The following CPSF4 variants were observed in gnomAD, a reference collection of about 807,000 sequenced individuals.
The protein encoded by CPSF4 is cleavage and polyadenylation specific factor 4, also known as cleavage and polyadenylation specificity factor subunit 4.
Under a neutral mutation model 37.7 loss-of-function variants are expected in CPSF4, and 11 were observed. The observed-to-expected ratio is 0.29, with a 90% CI of 0.18 to 0.48. CPSF4 has a LOEUF of 0.48. CPSF4 is among the 20% of genes least tolerant of loss of function. The pLI, the probability that CPSF4 is intolerant of heterozygous loss-of-function variation, is 0.99. For synonymous variants in CPSF4, 132 were observed against 135.9 expected, an observed-to-expected ratio of 0.97 and a Z score of 0.20; for missense variants, 144 against 359.5, an observed-to-expected ratio of 0.40 and a Z score of 4.85.
intron 4 of CPSF4, 80 bp downstream of exon 4, chr7:99,450,451 G>A: frequency 2.0e-6 from 2 of 1,007,990 alleles, no homozygotes; most frequent in Non-Finnish European, 3.1e-6. Flanking sequence ...GCTGCCAGCT[G>A]GTCTACCTGT....
chr7:99,444,916 G>A (rs1199018040), intron 2 of CPSF4, 77 bp downstream of exon 2: 17 of 1,271,120 alleles, frequency 1.3e-5, no homozygotes, highest in Middle Eastern at 2.4e-4. Context: ...CTTGGAGGCC[G>A]CCAGGTCTCT....
chr7:99,444,735 G>A, intron 1 of CPSF4, 54 bp from the exon 2 acceptor site: 1 of 1,544,880 alleles, frequency 6.5e-7, no homozygotes, highest in Non-Finnish European at 8.9e-7. Flanking sequence ...TTCAGACATT[G>A]TCAATAGCAA....
rs557905583 is a variant in CPSF4 at position 99,448,459 on chromosome 7, CTTT to C, written c.307+205_307+207del. On this transcript the variant is annotated intron_variant, in intron 3 of 7. Transcript: ENST00000292476. This position sits in a 1 kb window ranked among gnomAD's most constrained non-coding sequence, Gnocchi z 4.4. ...CAGTGTGGCTATTTTCTGCTCATCTCTTTTTTTTTTTTTTTTTTTTTAAAGACA... is the reference window on the plus strand; with the variant it reads ...CAGTGTGGCTATTTTCTGCTCATCTCTTTTTTTTTTTTTTTTTTAAAGACA... 0.01 allele frequency: 3,200 copies of C among 318,064 alleles called. No homozygotes were observed. The highest frequency in any genetic ancestry group is 0.014 in the South Asian group (365 of 25,666). The allele number at this position is 318,064 out of a possible 1,614,324, so 19.7% of individuals were successfully genotyped here.
At chr7:99,455,877 G>A (rs1231199940) in intron 7 of CPSF4, among the ~76,000 whole-genome samples, 1 of 152,200 alleles carries the variant, frequency 6.6e-6, no homozygotes, top group African/African-American at 2.4e-5. Context: ...TCACAGCCAC[G>A]AGGGAAAACG....
intron 1 of CPSF4, among the ~76,000 whole-genome samples, chr7:99,440,198 C>A (rs1190281373): frequency 6.6e-6 from 1 of 152,084 alleles, no homozygotes; most frequent in Non-Finnish European, 1.5e-5. Context: ...CAGTGCATAG[C>A]AGAGGCGGGC....
In CPSF4 at chr7:99,452,253, C is replaced by T. The variant is rs45599236; in HGVS notation, c.498-115C>T. The T allele has an allele frequency of 0.018, 15,164 of 862,260 alleles. 1,039 individuals are homozygous for T. In the African/African-American group the frequency reaches 0.18, roughly 10 times the overall value. The allele number at this position is 862,260 out of a possible 1,614,324, so 53.4% of individuals were successfully genotyped here. On this transcript the variant is annotated intron_variant, in intron 5 of 7. Coordinates refer to ENST00000292476, the MANE Select transcript of CPSF4 (RefSeq NM_006693.4). The stretch of plus-strand genomic sequence containing the variant: ...TTGTGTCAGTCACTTTGTGCTGGGG[C>T]AGCTGAGTGTGATTTTCCTAGGGCT...
chr7:99,440,674 A>ATATATATATATATTT, intron 1 of CPSF4, among the ~76,000 whole-genome samples: 3 of 88,130 alleles, frequency 3.4e-5, no homozygotes, highest in African/African-American at 1.9e-4. Flanking sequence ...ATATATATAT[A>ATATATATATATATTT]TTTTTTTTTT....
At chr7:99,450,674 C>T (rs765727367) in intron 4 of CPSF4, 28 bp from the exon 5 acceptor site, 41 of 1,566,872 alleles carry the variant, frequency 2.6e-5, no homozygotes, top group Non-Finnish European at 3.4e-5. Flanking sequence ...GAGGGGACAT[C>T]TAAGTGACCG....
rs1402611743 is a variant in CPSF4 at position 99,456,551 on chromosome 7, G to A, written c.*51G>A. ...GCCCGGGGGCCCCGCTGTTGGGAGTGTGCATTTAACTGTTTCATGCGCTTG... is the reference window on the plus strand; with the variant it reads ...GCCCGGGGGCCCCGCTGTTGGGAGTATGCATTTAACTGTTTCATGCGCTTG... On this transcript the variant is annotated 3_prime_UTR_variant, in exon 8 of 8. Transcript: ENST00000292476. The A allele has an allele frequency of 6.6e-7, 1 of 1,509,922 alleles. No homozygotes were observed. Among genetic ancestry groups the A allele is most frequent in the Non-Finnish European group, 9.2e-7 (1 of 1,087,884 alleles). The allele number at this position is 1,509,922 out of a possible 1,614,324, so 93.5% of individuals were successfully genotyped here. A position where few individuals can be genotyped will look rare whatever the true frequency, so the allele number is the denominator to read the frequency against.
At chr7:99,440,676 T>TATATATATATA (rs1562852973) in intron 1 of CPSF4, among the ~76,000 whole-genome samples, 7 of 62,172 alleles carry the variant, frequency 1.1e-4, no homozygotes, top group African/African-American at 9.1e-4. Context: ...ATATATATAT[T>TATATATATATA]TTTTTTTTTT....
rs1016270345 is a variant in CPSF4 at position 99,438,943 on chromosome 7, G to A, written c.-140G>A. 12 of 1,366,990 alleles carry A rather than the reference G, an allele frequency of 8.8e-6. No homozygotes were observed. The Admixed American group carries it at 2.3e-4, about 27-fold the overall frequency. The allele number at this position is 1,366,990 out of a possible 1,614,324, so 84.7% of individuals were successfully genotyped here. ...GCCGGCGCGGGCTCCGGGCGCTCCC[G>A]GCATCCCTCGGGCGGCGGCGGCGGC... On this transcript the variant is annotated 5_prime_UTR_variant, in exon 1 of 8. Transcript: ENST00000292476.
rs920698840 is a variant in CPSF4, at chr7:99,443,256, G to A, written c.104-1533G>A. The A allele has an allele frequency of 3.0e-5, 23 of 774,898 alleles. No homozygotes were observed. In the African/African-American group the frequency reaches 3.7e-4, roughly 13 times the overall value. The allele number at this position is 774,898 out of a possible 1,614,324, so 48.0% of individuals were successfully genotyped here. Reference sequence around the variant, plus strand: ...TGTAATTTTCACCACTTTCTTCTCTGCTGCCACATCAACAGTTTTTTTCAG... The same window carrying A: ...TGTAATTTTCACCACTTTCTTCTCTACTGCCACATCAACAGTTTTTTTCAG... On this transcript the variant is annotated intron_variant, in intron 1 of 7. Transcript: ENST00000292476.
chr7:99,445,922 C>T (rs1797457808), intron 2 of CPSF4, among the ~76,000 whole-genome samples: 1 of 152,028 alleles, frequency 6.6e-6, no homozygotes, highest in Non-Finnish European at 1.5e-5. Flanking sequence ...AAAGAAGTAT[C>T]ACTAGGTACA....
At position 99,448,486 on chromosome 7, in the gene CPSF4, CAT is replaced by C. The variant is rs1335204789; in HGVS notation, c.307+215_307+216del. 8.1e-6 allele frequency: 4 copies of C among 490,888 alleles called. No individual in the cohort carries two copies. The African/African-American group carries it at 9.0e-5, about 11-fold the overall frequency. The allele number at this position is 490,888 out of a possible 1,614,324, so 30.4% of individuals were successfully genotyped here. A position where few individuals can be genotyped will look rare whatever the true frequency, so the allele number is the denominator to read the frequency against. Reference sequence around the variant, plus strand: ...TTTTTTTTTTTTTTTTTTTTAAAGACATAGGGTCTCGCTATGTTTCACATACT... The same window carrying C: ...TTTTTTTTTTTTTTTTTTTTAAAGACAGGGTCTCGCTATGTTTCACATACT... On this transcript the variant is annotated intron_variant, in intron 3 of 7. Coordinates refer to ENST00000292476, the MANE Select transcript of CPSF4 (RefSeq NM_006693.4). This position sits in a 1 kb window ranked among gnomAD's most constrained non-coding sequence, Gnocchi z 4.4.
chr7:99,450,103 GCATTTC>G (rs1797830781), intron 3 of CPSF4, among the ~76,000 whole-genome samples, 167 bp from the exon 4 acceptor site: 1 of 152,186 alleles, frequency 6.6e-6, no homozygotes, highest in Non-Finnish European at 1.5e-5. Context: ...CTCAATGGGT[GCATTTC>G]CATCACAGCT....
intron 5 of CPSF4, among the ~76,000 whole-genome samples, chr7:99,451,564 C>T (rs1293726089): frequency 6.6e-6 from 1 of 152,246 alleles, no homozygotes; most frequent in Non-Finnish European, 1.5e-5. Context: ...AACATCGTGC[C>T]ACTGCACTCC....
In CPSF4 at chr7:99,444,793, G is replaced by C. The variant is rs747343935; in HGVS notation, c.108G>C (p.Ser36=). 1 of 1,613,402 alleles carries C rather than the reference G, an allele frequency of 6.2e-7. No individual in the cohort carries two copies. Among genetic ancestry groups the C allele is most frequent in the Admixed American group, 1.7e-5 (1 of 59,980 alleles). Residue 36 remains serine (S), a synonymous_variant, in exon 2 of 8, where the codon TCG becomes TCC. Coordinates refer to ENST00000292476, the MANE Select transcript of CPSF4 (RefSeq NM_006693.4). ...CCTTTTCTCTCCTTTCTACAGAGTC[G>C]GGCGCTGCTGTCTGTGAATTCTTTT... ...QPLPFPGMDK[S]GAAVCEFFLK...
At chr7:99,452,251 G>A in intron 5 of CPSF4, 117 bp from the exon 6 acceptor site, 1 of 853,892 alleles carries the variant, frequency 1.2e-6, no homozygotes, top group Admixed American at 1.9e-5. Flanking sequence ...TTTGTGCTGG[G>A]GCAGCTGAGT....
chr7:99,438,979 C>A lies in CPSF4; in HGVS notation c.-104C>A. 7.6e-7 allele frequency: 1 copy of A among 1,317,720 alleles called. No homozygotes were observed. Among genetic ancestry groups the A allele is most frequent in the Non-Finnish European group, 9.8e-7 (1 of 1,023,834 alleles). The allele number at this position is 1,317,720 out of a possible 1,614,324, so 81.6% of individuals were successfully genotyped here. A position where few individuals can be genotyped will look rare whatever the true frequency, so the allele number is the denominator to read the frequency against. ...GGCGGCGGCGGCGGCGGCGGCGAGG[C>A]GAAGCGAAGGAGGAGTGTGTGCGGC... On this transcript the variant is annotated 5_prime_UTR_variant, in exon 1 of 8. Coordinates refer to ENST00000292476, the MANE Select transcript of CPSF4 (RefSeq NM_006693.4).
Sources: gnomAD v4.1 joint callset for allele counts (sites outside exome capture counted in the v4.1 genomes callset) on GRCh38, gnomAD v4.1.1 for gene constraint, Gnocchi (gnomAD v3.1) non-coding constraint, MANE v1.5 for transcripts, NCBI Gene and HGNC (gene_info 2026-07-23, HGNC 2026-07-21) for gene names.